Variants in ERC2 observed in about 807,000 individuals in gnomAD.
ERC2 encodes ELKS/RAB6-interacting/CAST family member 2.
Under a neutral mutation model 114.8 loss-of-function variants are expected in ERC2, and 42 were observed. The ratio of observed to expected loss-of-function variants is 0.37; its 90% CI spans 0.29 to 0.47. The LOEUF is 0.47. ERC2 is among the 20% of genes least tolerant of loss of function. ERC2 has a pLI of 0.99. For missense variants in ERC2, 939 were observed against 1,150.7 expected (o/e 0.82, Z 2.66); for synonymous variants, 454 against 425.5 (o/e 1.07, Z -0.82).
At chr3:56,428,454 G>A (rs1464845125) in intron 2 of ERC2, among the ~76,000 whole-genome samples, 1 of 150,176 alleles carries the variant, frequency 6.7e-6, no homozygotes, top group Non-Finnish European at 1.5e-5. Context: ...CCAGGAGGTA[G>A]AGGTTGCAGT....
intron 17 of ERC2, among the ~76,000 whole-genome samples, chr3:55,590,985 C>T (rs910569812): frequency 6.6e-6 from 1 of 152,098 alleles, no homozygotes; most frequent in Non-Finnish European, 1.5e-5. Context: ...CCCGCCACCA[C>T]GTCCAGCTAA....
intron 13 of ERC2, among the ~76,000 whole-genome samples, chr3:55,931,564 G>A (rs1247159727): frequency 1.3e-5 from 2 of 152,128 alleles, no homozygotes; most frequent in African/African-American, 4.8e-5. Context: ...AGAACACATG[G>A]ACACAGGGAG....
chr3:55,722,474 A>G (rs1416938889), intron 15 of ERC2, among the ~76,000 whole-genome samples: 1 of 152,164 alleles, frequency 6.6e-6, no homozygotes, highest in Non-Finnish European at 1.5e-5. Context: ...GGAACACCCT[A>G]TTCAAAATCA....
intron 2 of ERC2, among the ~76,000 whole-genome samples, chr3:56,311,230 CTTCTCTCTCTCTCTCTCT>C (rs1256316676): frequency 2.1e-4 from 6 of 29,238 alleles, no homozygotes; most frequent in African/African-American, 6.9e-4. Flanking sequence ...TATCCATCAT[CTTCTCTCTCTCTCTCTCT>C]CTCTCTCTAT....
At chr3:56,030,551 A>G (rs954442997) in intron 7 of ERC2, among the ~76,000 whole-genome samples, 1 of 152,120 alleles carries the variant, frequency 6.6e-6, no homozygotes. Flanking sequence ...ACTCTGTTTT[A>G]TTATGATATA....
intron 2 of ERC2, among the ~76,000 whole-genome samples, chr3:56,330,714 G>A (rs890397338): frequency 7.9e-5 from 12 of 152,076 alleles, no homozygotes; most frequent in Non-Finnish European, 1.5e-4. Flanking sequence ...TTTGGATTTC[G>A]AATTTGGGAT....
At chr3:56,321,560 C>T (rs2057127770) in intron 2 of ERC2, among the ~76,000 whole-genome samples, 1 of 152,206 alleles carries the variant, frequency 6.6e-6, no homozygotes, top group Admixed American at 6.6e-5. Context: ...AGGATAAACA[C>T]TGAAGTAGAG....
At chr3:55,656,098 C>CTTA (rs1553742859) in intron 17 of ERC2, among the ~76,000 whole-genome samples, 3 of 150,096 alleles carry the variant, frequency 2.0e-5, no homozygotes, top group Non-Finnish European at 4.4e-5. Flanking sequence ...ATGGAATGCA[C>CTTA]TTTATTTATT....
intron 7 of ERC2, among the ~76,000 whole-genome samples, chr3:56,025,227 T>C (rs2073966156): frequency 6.6e-6 from 1 of 152,210 alleles, no homozygotes; most frequent in Admixed American, 6.5e-5. Context: ...GTACAGGGCC[T>C]ACCAAACCAT....
intron 14 of ERC2, among the ~76,000 whole-genome samples, chr3:55,854,098 A>G (rs2061686464): frequency 6.6e-6 from 1 of 152,082 alleles, no homozygotes; most frequent in African/African-American, 2.4e-5. Flanking sequence ...AATATGGTAA[A>G]AACCCGTCGC....
In ERC2 at chr3:56,405,779, A is replaced by G. The variant is rs140139489; in HGVS notation, c.657+28572T>C. Among the ~76,000 whole-genome samples the G allele has an allele frequency of 1.7e-3, 255 of 152,028 alleles. 2 individuals carry two copies. The highest frequency in any genetic ancestry group is 5.5e-3 in the African/African-American group (227 of 41,482). ...CTATTGGATATTTAGGTTAGTTCCC[A>G]TCTTTTATCAATATTTAACATAGAA... is the stretch of plus-strand genomic sequence containing the variant. On this transcript the variant is annotated intron_variant, in intron 2 of 17. Transcript: ENST00000288221.
At chr3:56,195,124 C>A (rs532819953) in intron 3 of ERC2, among the ~76,000 whole-genome samples, 1 of 152,022 alleles carries the variant, frequency 6.6e-6, no homozygotes, top group Non-Finnish European at 1.5e-5. Flanking sequence ...TGCTCTTGGG[C>A]TTTGGGGCCA....
chr3:55,674,646 G>A (rs758747896), intron 17 of ERC2, among the ~76,000 whole-genome samples: 21 of 152,274 alleles, frequency 1.4e-4, no homozygotes, highest in Non-Finnish European at 2.5e-4. Context: ...GGGGTCTTTC[G>A]CCACATATGG....
intron 12 of ERC2, among the ~76,000 whole-genome samples, chr3:55,982,502 G>T (rs1479180865): frequency 6.6e-6 from 1 of 151,988 alleles, no homozygotes; most frequent in Non-Finnish European, 1.5e-5. Flanking sequence ...ATTCAGTGCT[G>T]GCACTTAATT....
At chr3:55,996,841 C>T (rs910503853) in intron 10 of ERC2, among the ~76,000 whole-genome samples, 1 of 152,178 alleles carries the variant, frequency 6.6e-6, no homozygotes, top group Non-Finnish European at 1.5e-5. Context: ...TTTATAACTA[C>T]TTCAGGAAAT....
At chr3:55,720,225 TCTTCTTCTTCTTC>T (rs2064441140) in intron 15 of ERC2, among the ~76,000 whole-genome samples, 1 of 31,416 alleles carries the variant, frequency 3.2e-5, no homozygotes, top group African/African-American at 2.0e-4. Flanking sequence ...TTCTTCTTCT[TCTTCTTCTTCTTC>T]TTCTCTCTCT....
chr3:55,644,823 G>C (rs1398095572), intron 17 of ERC2, among the ~76,000 whole-genome samples: 1 of 151,954 alleles, frequency 6.6e-6, no homozygotes, highest in Non-Finnish European at 1.5e-5. Context: ...TTTCTGGGGA[G>C]AGAGTCCTCT....
intron 13 of ERC2, among the ~76,000 whole-genome samples, chr3:55,891,525 C>T (rs748010807): frequency 6.2e-5 from 9 of 145,174 alleles, no homozygotes; most frequent in South Asian, 2.2e-4. Flanking sequence ...TGGCTCACTG[C>T]AATCTCTGCC....
At chr3:56,087,109 T>C (rs1387185807) in intron 6 of ERC2, among the ~76,000 whole-genome samples, 11 of 152,036 alleles carry the variant, frequency 7.2e-5, no homozygotes, top group Admixed American at 4.6e-4. Context: ...ACATGGGAAC[T>C]AGTCATCTAA....
Sources: allele counts gnomAD v4.1 joint callset (sites outside exome capture counted in the v4.1 genomes callset), GRCh38; gene constraint gnomAD v4.1.1; transcripts MANE v1.5; gene names NCBI Gene and HGNC (gene_info 2026-07-23, HGNC 2026-07-21).